The following IMMT variants were observed in gnomAD, a reference collection of about 807,000 sequenced individuals.
The protein encoded by IMMT is inner membrane mitochondrial protein.
A neutral mutation model predicts 92.7 loss-of-function variants in IMMT; 40 were observed. That is an observed-to-expected ratio of 0.43 (90% confidence interval 0.34 to 0.56). The LOEUF is 0.56. Among genes scored for constraint, IMMT ranks in the 20% least tolerant of loss-of-function variants. The pLI, the probability that IMMT is intolerant of heterozygous loss-of-function variation, is 0.03. For missense variants in IMMT, 831 were observed against 912.1 expected (o/e 0.91, Z 1.14); for synonymous variants, 322 against 336.1 (o/e 0.96, Z 0.46).
chr2:86,182,072 A>T (rs1672473309), intron 1 of IMMT, among the ~76,000 whole-genome samples: 2 of 147,730 alleles, frequency 1.4e-5, no homozygotes, highest in African/African-American at 5.1e-5. Flanking sequence ...TTTTAATAAG[A>T]GTAAAATACA....
intron 13 of IMMT, among the ~76,000 whole-genome samples, chr2:86,146,895 G>A (rs529419101): frequency 6.6e-6 from 1 of 152,244 alleles, no homozygotes; most frequent in South Asian, 2.1e-4. Flanking sequence ...GGAGTGGCTG[G>A]GATTACATGC....
Position 86,180,732 on chromosome 2 carries a change from C to G in IMMT, c.119+567G>C, listed in dbSNP as rs9750102. ...TGAAACCCCGTCTCTACTAAAAATA[C>G]AAAAATTAGTTGGGCATGGTGACAT... On this transcript the variant is annotated intron_variant, in intron 2 of 14. Transcript: ENST00000410111. Among the ~76,000 whole-genome samples, 4 of 151,518 alleles carry G rather than the reference C, an allele frequency of 2.6e-5. No homozygotes were observed. The East Asian group carries it at 7.9e-4, about 30-fold the overall frequency.
chr2:86,195,397 C>T lies in IMMT; in HGVS notation c.-15G>A, dbSNP rs144600106. The T allele has an allele frequency of 3.2e-6, 5 of 1,547,276 alleles. No individual in the cohort carries two copies. Among genetic ancestry groups the T allele is most frequent in the Non-Finnish European group, 2.6e-6 (3 of 1,145,394 alleles). On this transcript the variant is annotated 5_prime_UTR_variant, in exon 1 of 15. Coordinates refer to ENST00000410111, the MANE Select transcript of IMMT (RefSeq NM_006839.3). ...GCCCGCAGCATCTCGGTCAAGCGGA[C>T]GGCGCTGCTGGTGGACTCGAGCTGC...
intron 12 of IMMT, among the ~76,000 whole-genome samples, chr2:86,149,898 AG>A (rs1292054078): frequency 2.0e-5 from 3 of 150,680 alleles, no homozygotes; most frequent in African/African-American, 4.9e-5. Flanking sequence ...AAAAAAAAAA[AG>A]AAAGAAAAAG....
chr2:86,193,855 C>T (rs1295247424), intron 1 of IMMT, among the ~76,000 whole-genome samples: 1 of 152,144 alleles, frequency 6.6e-6, no homozygotes, highest in Non-Finnish European at 1.5e-5. Context: ...TTTCTTAATT[C>T]CCAAATGGGA....
chr2:86,162,049 G>A lies in IMMT; in HGVS notation c.823C>T (p.Arg275Cys), dbSNP rs1676317533. ...IAGEKKSAQW[R>C]TVEGALKERR... ...TCCTTCAATGCACCCTCCACTGTGC[G>A]CCACTGAGCAGATTTCTTCTCGCCT... The change falls in exon 8 of 15, where the codon CGC (arginine) becomes TGC (cysteine). Residue 275 changes from arginine (R) to cysteine (C), a missense_variant. Arg to Cys is a radical substitution (Grantham distance 180, BLOSUM62 -3). Transcript: ENST00000410111. 5.0e-6 allele frequency: 8 copies of A among 1,600,360 alleles called. No individual in the cohort carries two copies. The highest frequency in any genetic ancestry group is 2.3e-5 in the East Asian group (1 of 44,398).
intron 1 of IMMT, among the ~76,000 whole-genome samples, chr2:86,181,975 T>C (rs1279387913): frequency 6.6e-6 from 1 of 152,238 alleles, no homozygotes; most frequent in African/African-American, 2.4e-5. Flanking sequence ...TAATTAATGT[T>C]GTAAATGTTC....
At chr2:86,185,018 C>T (rs1405958471) in intron 1 of IMMT, among the ~76,000 whole-genome samples, 2 of 152,050 alleles carry the variant, frequency 1.3e-5, no homozygotes, top group Non-Finnish European at 2.9e-5. Flanking sequence ...GAAACCCCGT[C>T]TCTACTAAAA....
intron 13 of IMMT, 124 bp downstream of exon 13, chr2:86,147,578 A>C: frequency 1.2e-6 from 1 of 828,648 alleles, no homozygotes; most frequent in East Asian, 2.8e-5. Flanking sequence ...AAAAAGAAGC[A>C]GTTTTGTAGA....
chr2:86,171,469 C>A, intron 4 of IMMT, 124 bp from the exon 5 acceptor site: 1 of 839,170 alleles, frequency 1.2e-6, no homozygotes, highest in Admixed American at 2.0e-5. Flanking sequence ...AATATTTGTA[C>A]TGCCACATGT....
rs142313153 is a variant in IMMT at position 86,191,589 on chromosome 2, C to A, written c.45+3749G>T. ...ATTCTGGACTTGCCAGTCTCCATAA[C>A]TGTGTGAGTAGAGTCCTTACAATAA... is the stretch of plus-strand genomic sequence containing the variant. On this transcript the variant is annotated intron_variant, in intron 1 of 14. Transcript: ENST00000410111. Among the ~76,000 whole-genome samples the A allele has an allele frequency of 2.0e-3, 300 of 152,140 alleles. 1 individual carries two copies. The highest frequency in any genetic ancestry group is 3.4e-3 in the Non-Finnish European group (234 of 67,996).
At chr2:86,190,747 T>C (rs1049448280) in intron 1 of IMMT, among the ~76,000 whole-genome samples, 3 of 152,192 alleles carry the variant, frequency 2.0e-5, no homozygotes, top group Admixed American at 6.5e-5. Context: ...CCCAGCACTT[T>C]GGGAGCCCAA....
At chr2:86,158,779 A>G in intron 9 of IMMT, 58 bp from the exon 10 acceptor site, 1 of 1,345,802 alleles carries the variant, frequency 7.4e-7, no homozygotes, top group Non-Finnish European at 1.0e-6. Context: ...TAAACATTCC[A>G]AGAAACAGAA....
intron 3 of IMMT, among the ~76,000 whole-genome samples, chr2:86,177,853 G>A (rs994061721): frequency 2.0e-5 from 3 of 152,122 alleles, no homozygotes; most frequent in African/African-American, 7.2e-5. Flanking sequence ...ATAATATATA[G>A]ATGTCCCCCT....
intron 13 of IMMT, 29 bp from the exon 14 acceptor site, chr2:86,146,226 A>G (rs1674998905): frequency 1.3e-6 from 2 of 1,591,714 alleles, no homozygotes; most frequent in East Asian, 4.5e-5. Flanking sequence ...AGTTCCAGAA[A>G]AAAGTGATAC....
At chr2:86,167,211 G>A (rs1354164415) in intron 6 of IMMT, among the ~76,000 whole-genome samples, 4 of 120,686 alleles carry the variant, frequency 3.3e-5, no homozygotes, top group African/African-American at 9.6e-5. Context: ...TCGCTCTGTC[G>A]CCCAGGCTGG....
chr2:86,192,549 T>A (rs1433278904), intron 1 of IMMT, among the ~76,000 whole-genome samples: 3 of 152,374 alleles, frequency 2.0e-5, no homozygotes, highest in African/African-American at 7.2e-5. Flanking sequence ...GGACTATTGT[T>A]AATACTGGAA....
intron 1 of IMMT, among the ~76,000 whole-genome samples, chr2:86,187,086 A>C (rs1672827570): frequency 6.6e-6 from 1 of 152,114 alleles, no homozygotes; most frequent in South Asian, 2.1e-4. Context: ...CCATTTTAAA[A>C]TGTACAATTC....
chr2:86,163,958 C>CAAAAAAAAAAAAAAAA (rs1558823199), intron 7 of IMMT, among the ~76,000 whole-genome samples: 3 of 45,502 alleles, frequency 6.6e-5, no homozygotes, highest in Non-Finnish European at 1.2e-4. Context: ...GACTCCATCT[C>CAAAAAAAAAAAAAAAA]CAAAAAAAAA....
Sources: gnomAD v4.1 joint callset for allele counts (sites outside exome capture counted in the v4.1 genomes callset) on GRCh38, gnomAD v4.1.1 for gene constraint, MANE v1.5 for transcripts, NCBI Gene and HGNC (gene_info 2026-07-23, HGNC 2026-07-21) for gene names.